Variants in DDX25 observed in about 807,000 individuals in gnomAD.
The protein encoded by DDX25 is ATP-dependent RNA helicase DDX25.
In DDX25, 70 loss-of-function variants were observed where a neutral mutation model predicts 64.6. That is an observed-to-expected ratio of 1.08 (90% CI 0.89 to 1.32). The LOEUF (loss-of-function observed/expected upper bound fraction) is 1.32, where lower values mean the gene tolerates loss of function less well. Among genes scored for constraint, DDX25 ranks in the 40% most tolerant of loss-of-function variants. The pLI, the probability that DDX25 is intolerant of heterozygous loss-of-function variation, is 0.00. For missense variants in DDX25, 587 were observed against 604.4 expected (o/e 0.97, Z 0.30); for synonymous variants, 211 against 213.3 (o/e 0.99, Z 0.09).
chr11:125,918,128 G>A (rs575816894), intron 9 of DDX25, among the ~76,000 whole-genome samples: 6 of 152,220 alleles, frequency 3.9e-5, no homozygotes, highest in South Asian at 2.1e-4. Context: ...TGATCCACCC[G>A]CCTTGGCCTC....
chr11:125,918,919 G>A (rs1178782273), intron 10 of DDX25, 129 bp downstream of exon 10: 4 of 1,146,582 alleles, frequency 3.5e-6, no homozygotes, highest in Non-Finnish European at 3.6e-6. Context: ...AAAATACAGA[G>A]CATCTCCATC....
At position 125,921,478 on chromosome 11, in the gene DDX25, T is replaced by C; in HGVS notation, c.1390+99T>C. ...GGAGTCCAGGGGCTCATGAGAGTAG[T>C]AGAAGCAGAATGCATGAGCTGGAAG... On this transcript the variant is annotated intron_variant, in intron 11 of 11. Coordinates refer to ENST00000263576, the MANE Select transcript of DDX25 (RefSeq NM_013264.5). This position sits in a 1 kb window ranked among gnomAD's most constrained non-coding sequence, Gnocchi z 4.1. The C allele has an allele frequency of 7.2e-7, 1 of 1,380,532 alleles. No individual in the cohort carries two copies. The highest frequency in any genetic ancestry group is 1.5e-5 in the South Asian group (1 of 66,944). 85.5% of individuals were successfully genotyped at this position (1,380,532 alleles called of 1,614,324 possible).
At chr11:125,914,834 T>C (rs1945015738) in intron 8 of DDX25, among the ~76,000 whole-genome samples, 1 of 152,178 alleles carries the variant, frequency 6.6e-6, no homozygotes, top group African/African-American at 2.4e-5. Context: ...CCTCCTGGGT[T>C]CAAGCAGTTC....
chr11:125,914,783 C>T (rs1399859975), intron 8 of DDX25, among the ~76,000 whole-genome samples: 1 of 152,146 alleles, frequency 6.6e-6, no homozygotes, highest in Non-Finnish European at 1.5e-5. Flanking sequence ...GTCACCCAGG[C>T]TGGAGTGCAG....
In DDX25 at chr11:125,910,335, T is replaced by C. The variant is rs776711493; in HGVS notation, c.508-29T>C. 1.9e-6 allele frequency: 3 copies of C among 1,592,280 alleles called. No individual in the cohort carries two copies. In the African/African-American group the frequency reaches 4.0e-5, roughly 21 times the overall value. On this transcript the variant is annotated intron_variant, in intron 6 of 11. Transcript: ENST00000263576. ...TGAAAGATGCCTGTAAGAACCTTTC[T>C]CCTCCCCTCTTCTCTCTCTATCCCA...
At chr11:125,916,899 G>C in intron 8 of DDX25, 115 bp from the exon 9 acceptor site, 1 of 982,488 alleles carries the variant, frequency 1.0e-6, no homozygotes, top group East Asian at 2.6e-5. Context: ...GTCATTGCAG[G>C]CAGCACCTCA....
chr11:125,904,497 G>C (rs193084559), upstream of DDX25: 75 of 1,478,572 alleles, frequency 5.1e-5, no homozygotes, highest in East Asian at 2.0e-3. Context: ...CGTGCTGGGG[G>C]CGGGAGCAGC....
In DDX25 at chr11:125,927,688, G is replaced by A. The variant is rs892571017; in HGVS notation, c.*4807G>A. 4 of 152,118 alleles carry A rather than the reference G, an allele frequency of 2.6e-5. No individual in the cohort carries two copies. Among genetic ancestry groups the A allele is most frequent in the Admixed American group, 6.6e-5 (1 of 15,264 alleles). The allele number at this position is 152,118 out of a possible 1,614,324, so 9.4% of individuals were successfully genotyped here. ...TCTCTGCTTTCTGTTATATTCGGAG[G>A]TAACATGTATAGGTCATGTATAATG... On this transcript the variant is annotated 3_prime_UTR_variant, in exon 12 of 12. Transcript: ENST00000263576.
chr11:125,910,313 A>T (rs1313471984), intron 6 of DDX25, 51 bp from the exon 7 acceptor site: 2 of 1,484,618 alleles, frequency 1.3e-6, no homozygotes, highest in Non-Finnish European at 1.9e-6. Context: ...TGAAATTTGA[A>T]AGATGCCTGT....
intron 2 of DDX25, 82 bp from the exon 3 acceptor site, chr11:125,905,471 G>A (rs759661629): frequency 2.7e-6 from 4 of 1,458,118 alleles, no homozygotes; most frequent in Non-Finnish European, 3.7e-6. Flanking sequence ...GAAGAGTCAG[G>A]AAGAAAAAAT....
chr11:125,904,155 C>T (rs373071083), upstream of DDX25, among the ~76,000 whole-genome samples: 214 of 152,296 alleles, frequency 1.4e-3, 5 homozygotes, highest in South Asian at 0.024. Flanking sequence ...GGCGGGGAGT[C>T]CGGGGGGCTC....
At position 125,910,489 on chromosome 11, in the gene DDX25, G is replaced by A. The variant is rs1241951945; in HGVS notation, c.622+11G>A. 6.2e-7 allele frequency: 1 copy of A among 1,612,504 alleles called. No individual in the cohort carries two copies. The highest frequency in any genetic ancestry group is 8.5e-7 in the Non-Finnish European group (1 of 1,178,652). On this transcript the variant is annotated intron_variant, in intron 7 of 11. Transcript: ENST00000263576. ...TTCGAGGGAATCGAAGTATGTACCA[G>A]TAAGCCAGTCCTGGCTGATTTTTCA...
rs1416767827 is a variant in DDX25, at chr11:125,923,979, A to G, written c.*1098A>G. 1 of 152,228 alleles carries G rather than the reference A, an allele frequency of 6.6e-6. No homozygotes were observed. The highest frequency in any genetic ancestry group is 6.5e-5 in the Admixed American group (1 of 15,286). 9.4% of individuals were successfully genotyped at this position (152,228 alleles called of 1,614,324 possible). On this transcript the variant is annotated 3_prime_UTR_variant, in exon 12 of 12. Coordinates refer to ENST00000263576, the MANE Select transcript of DDX25 (RefSeq NM_013264.5). The stretch of plus-strand genomic sequence containing the variant: ...CAGGGCTCAGAAATACATAAAAATC[A>G]TCACGTGGCTGGGCACAGTGGCTCA...
Position 125,909,572 on chromosome 11 carries a change from A to G in DDX25, c.508-792A>G, listed in dbSNP as rs141225550. ...TATTATGTATTATATTATGTTATATATATCATATTATGTATTGTAAAGATA... is the reference window on the plus strand; with the variant it reads ...TATTATGTATTATATTATGTTATATGTATCATATTATGTATTGTAAAGATA... On this transcript the variant is annotated intron_variant, in intron 6 of 11. Coordinates refer to ENST00000263576, the MANE Select transcript of DDX25 (RefSeq NM_013264.5). Among the ~76,000 whole-genome samples the G allele has an allele frequency of 4.0e-3, 614 of 151,948 alleles. 2 individuals carry two copies. The highest frequency in any genetic ancestry group is 7.6e-3 in the Non-Finnish European group (519 of 67,974).
chr11:125,905,419 G>T, intron 2 of DDX25, 134 bp from the exon 3 acceptor site: 2 of 1,333,888 alleles, frequency 1.5e-6, no homozygotes, highest in Non-Finnish European at 2.1e-6. Flanking sequence ...CAATCGTTTC[G>T]TCCATTCCTC....
At chr11:125,904,893 C>G (rs1944859969) in intron 1 of DDX25, 1 of 551,666 alleles carries the variant, frequency 1.8e-6, no homozygotes, top group African/African-American at 1.9e-5. Context: ...AGCCTCACCT[C>G]GCTTCCATCC....
chr11:125,910,355 A>T lies in DDX25; in HGVS notation c.508-9A>T. On this transcript the variant is annotated splice_polypyrimidine_tract_variant and intron_variant, in intron 6 of 11. Coordinates refer to ENST00000263576, the MANE Select transcript of DDX25 (RefSeq NM_013264.5). ...CTTTCTCCTCCCCTCTTCTCTCTCTATCCCACAGTGCCTCTGCCTAGCTCC... is the reference window on the plus strand; with the variant it reads ...CTTTCTCCTCCCCTCTTCTCTCTCTTTCCCACAGTGCCTCTGCCTAGCTCC... 3.1e-6 allele frequency: 5 copies of T among 1,613,000 alleles called. No homozygotes were observed. Among genetic ancestry groups the T allele is most frequent in the Non-Finnish European group, 4.2e-6 (5 of 1,179,076 alleles).
chr11:125,909,224 A>C (rs1413876283), intron 6 of DDX25, among the ~76,000 whole-genome samples: 1 of 152,210 alleles, frequency 6.6e-6, no homozygotes, highest in Middle Eastern at 3.2e-3. Context: ...CTCTCTCAGT[A>C]AGCTTCCACT....
At chr11:125,912,215 G>A (rs1245624489) in intron 8 of DDX25, among the ~76,000 whole-genome samples, 1 of 152,102 alleles carries the variant, frequency 6.6e-6, no homozygotes, top group Non-Finnish European at 1.5e-5. Flanking sequence ...CTGATGTATA[G>A]TCATTGTCAA....
Sources: allele counts gnomAD v4.1 joint callset (sites outside exome capture counted in the v4.1 genomes callset), GRCh38; gene constraint gnomAD v4.1.1; non-coding constraint Gnocchi (gnomAD v3.1); transcripts MANE v1.5; gene names NCBI Gene and HGNC (gene_info 2026-07-23, HGNC 2026-07-21).